MAML2: variants seen among roughly 807,000 people sequenced by gnomAD.
The protein encoded by MAML2 is mastermind-like protein 2.
MAML2 carries 22 observed loss-of-function variants against 96.1 expected under a neutral mutation model. The observed-to-expected ratio is 0.23, with a 90% CI of 0.16 to 0.33. The LOEUF (loss-of-function observed/expected upper bound fraction) is 0.33. Among genes scored for constraint, MAML2 ranks in the 10% least tolerant of loss-of-function variants. The pLI is 1.00. For missense variants in MAML2, 1,367 were observed against 1,392.4 expected, an observed-to-expected ratio of 0.98 and a Z score of 0.29; for synonymous variants, 561 against 521.3, an observed-to-expected ratio of 1.08 and a Z score of -1.04.
At chr11:96,146,033 C>T (rs968882728) in intron 1 of MAML2, among the ~76,000 whole-genome samples, 3 of 152,078 alleles carry the variant, frequency 2.0e-5, no homozygotes, top group African/African-American at 4.8e-5. Flanking sequence ...TATACTTACA[C>T]GTGTGTGTGC....
intron 2 of MAML2, among the ~76,000 whole-genome samples, chr11:96,077,182 A>G (rs1308994212): frequency 7.2e-6 from 1 of 138,106 alleles, no homozygotes; most frequent in Non-Finnish European, 1.6e-5. Flanking sequence ...CTCCCTTGGG[A>G]TCTCTCTTTC....
chr11:96,239,913 T>C (rs1053325672), intron 1 of MAML2, among the ~76,000 whole-genome samples: 1 of 152,232 alleles, frequency 6.6e-6, no homozygotes, highest in African/African-American at 2.4e-5. Flanking sequence ...AGCTGGACTA[T>C]TCCCATTGGC....
At chr11:96,138,940 C>A (rs1027075300) in intron 1 of MAML2, among the ~76,000 whole-genome samples, 1 of 152,128 alleles carries the variant, frequency 6.6e-6, no homozygotes, top group Non-Finnish European at 1.5e-5. Context: ...ATTTCACAAC[C>A]CATTCTAAAA....
chr11:96,178,574 G>C (rs1225639876), intron 1 of MAML2, among the ~76,000 whole-genome samples: 2 of 152,130 alleles, frequency 1.3e-5, no homozygotes, highest in African/African-American at 4.8e-5. Context: ...CTCTGAGGGG[G>C]AAAAGGGAGC....
At chr11:96,019,724 A>G (rs1024283809) in intron 2 of MAML2, among the ~76,000 whole-genome samples, 1 of 149,622 alleles carries the variant, frequency 6.7e-6, no homozygotes, top group Non-Finnish European at 1.5e-5. Context: ...TAATAATAAT[A>G]CACATGTAGA....
intron 2 of MAML2, among the ~76,000 whole-genome samples, chr11:96,000,437 C>T (rs1319617745): frequency 4.6e-5 from 7 of 152,138 alleles, no homozygotes; most frequent in East Asian, 1.9e-4. Context: ...CAGAGACCTA[C>T]GGCACACAAA....
chr11:96,210,038 C>T (rs1192380196), intron 1 of MAML2, among the ~76,000 whole-genome samples: 3 of 152,188 alleles, frequency 2.0e-5, no homozygotes, highest in East Asian at 3.8e-4. Context: ...CAAAGATTCT[C>T]AGTTAATTTT....
intron 1 of MAML2, among the ~76,000 whole-genome samples, chr11:96,146,034 G>T (rs979376190): frequency 3.9e-5 from 6 of 152,078 alleles, no homozygotes; most frequent in African/African-American, 1.4e-4. Context: ...ATACTTACAC[G>T]TGTGTGTGCC....
intron 1 of MAML2, among the ~76,000 whole-genome samples, chr11:96,126,904 A>T (rs79163313): frequency 8.5e-5 from 11 of 129,008 alleles, no homozygotes; most frequent in Non-Finnish European, 1.5e-4. Flanking sequence ...TGGTATGGAC[A>T]TGGGGGGGGT....
At chr11:96,118,873 T>C (rs919878473) in intron 1 of MAML2, among the ~76,000 whole-genome samples, 1 of 152,152 alleles carries the variant, frequency 6.6e-6, no homozygotes, top group Non-Finnish European at 1.5e-5. Flanking sequence ...TTTTTTTTCC[T>C]TTAGGTTAAA....
At chr11:96,055,597 G>A (rs1285484390) in intron 2 of MAML2, among the ~76,000 whole-genome samples, 1 of 152,178 alleles carries the variant, frequency 6.6e-6, no homozygotes, top group Non-Finnish European at 1.5e-5. Flanking sequence ...GCTTTGTAAA[G>A]CTCACACATG....
intron 1 of MAML2, among the ~76,000 whole-genome samples, chr11:96,202,043 T>C (rs1427963635): frequency 6.7e-6 from 1 of 149,118 alleles, no homozygotes; most frequent in East Asian, 2.0e-4. Flanking sequence ...TAAGAATTGA[T>C]TATGTTTCGG....
At chr11:96,256,637 T>C (rs946449676) in intron 1 of MAML2, among the ~76,000 whole-genome samples, 16 of 152,172 alleles carry the variant, frequency 1.1e-4, no homozygotes, top group African/African-American at 3.9e-4. Context: ...TGTTACATGG[T>C]AAGTTCATGA....
chr11:96,072,385 CT>C (rs1222370472), intron 2 of MAML2, among the ~76,000 whole-genome samples: 10 of 152,168 alleles, frequency 6.6e-5, no homozygotes, highest in Non-Finnish European at 1.3e-4. Flanking sequence ...CAGCATTGAT[CT>C]TGAAATCAGA....
chr11:96,122,968 T>C (rs769379318), intron 1 of MAML2, among the ~76,000 whole-genome samples: 9 of 152,230 alleles, frequency 5.9e-5, no homozygotes, highest in Non-Finnish European at 1.3e-4. Context: ...GTCATTCCCT[T>C]TCAGGGACTG....
At chr11:96,126,300 GT>G (rs752160315) in intron 1 of MAML2, among the ~76,000 whole-genome samples, 3 of 152,222 alleles carry the variant, frequency 2.0e-5, no homozygotes, top group African/African-American at 4.8e-5. Flanking sequence ...GCTCACTCCT[GT>G]AATTCCAGCA....
At chr11:96,079,043 AGC>A (rs1369414914) in intron 2 of MAML2, among the ~76,000 whole-genome samples, 27 of 152,226 alleles carry the variant, frequency 1.8e-4, no homozygotes, top group African/African-American at 6.0e-4. Flanking sequence ...GATAAATGTC[AGC>A]AAATGAACTG....
intron 2 of MAML2, among the ~76,000 whole-genome samples, chr11:96,031,878 T>C (rs949460136): frequency 4.0e-5 from 6 of 151,894 alleles, no homozygotes; most frequent in African/African-American, 1.5e-4. Flanking sequence ...CCCAGCCTCT[T>C]GGGAGGCTGA....
intron 1 of MAML2, among the ~76,000 whole-genome samples, chr11:96,114,218 C>A (rs1860194645): frequency 6.6e-6 from 1 of 152,144 alleles, no homozygotes; most frequent in African/African-American, 2.4e-5. Context: ...CATGCCTGGC[C>A]CCAGGAATCA....
Sources: gnomAD v4.1 joint callset for allele counts (sites outside exome capture counted in the v4.1 genomes callset) on GRCh38, gnomAD v4.1.1 for gene constraint, MANE v1.5 for transcripts, NCBI Gene and HGNC (gene_info 2026-07-23, HGNC 2026-07-21) for gene names.